DIP2C: variants seen among roughly 807,000 people sequenced by gnomAD.
DIP2C encodes DIP2 acetate--CoA ligase C (putative), also known as disco-interacting protein 2 homolog C.
DIP2C carries 33 observed loss-of-function variants against 192.4 expected under a neutral mutation model. That is an observed-to-expected ratio of 0.17 (90% confidence interval 0.13 to 0.23). The LOEUF is 0.23. DIP2C is among the 10% of genes least tolerant of loss of function. DIP2C has a pLI of 1.00. For missense variants in DIP2C, 1,537 were observed against 2,110.1 expected, an observed-to-expected ratio of 0.73 and a Z score of 5.32; for synonymous variants, 979 against 864.1, an observed-to-expected ratio of 1.13 and a Z score of -2.33.
intron 6 of DIP2C, among the ~76,000 whole-genome samples, chr10:418,524 G>A (rs1053732157): frequency 6.6e-6 from 1 of 152,228 alleles, no homozygotes; most frequent in Non-Finnish European, 1.5e-5. Context: ...AACAGCCGCT[G>A]TAGTCAGAAT....
intron 34 of DIP2C, among the ~76,000 whole-genome samples, chr10:285,137 A>G (rs1791346400): frequency 2.5e-5 from 3 of 119,882 alleles, no homozygotes; most frequent in African/African-American, 3.2e-5. Flanking sequence ...TGACTGAGAG[A>G]GGTCAAGTGA....
rs201336183 is a variant in DIP2C, at chr10:284,744, T to TCA, written c.4120-1300_4120-1299dup. ...ACAGAATAGATCCTAAATGTTCTCA[T>TCA]CACACACACACACACAATGTGAGCT... On this transcript the variant is annotated intron_variant, in intron 34 of 36. Coordinates refer to ENST00000280886, the MANE Select transcript of DIP2C (RefSeq NM_014974.3). 5.0e-3 allele frequency among the ~76,000 whole-genome samples: 754 copies of TCA among 151,528 alleles called. 8 individuals carry two copies. In the East Asian group the frequency reaches 0.054, roughly 11 times the overall value.
At chr10:667,723 C>A (rs1334243683) in intron 1 of DIP2C, 1 of 151,786 alleles carries the variant, frequency 6.6e-6, no homozygotes, top group East Asian at 1.9e-4. Context: ...TACAACACAA[C>A]ACACATGTAC....
chr10:670,643 C>G (rs1830587164), intron 1 of DIP2C, among the ~76,000 whole-genome samples: 1 of 152,154 alleles, frequency 6.6e-6, no homozygotes, highest in Non-Finnish European at 1.5e-5. Context: ...AATACTTGTT[C>G]TAATGAGATT....
chr10:483,267 G>A (rs181816334), intron 2 of DIP2C, among the ~76,000 whole-genome samples: 17 of 152,334 alleles, frequency 1.1e-4, no homozygotes, highest in African/African-American at 3.6e-4. Flanking sequence ...CCCCTTACAG[G>A]CAAGTGCGCA....
At chr10:655,320 G>T (rs544773649) in intron 1 of DIP2C, among the ~76,000 whole-genome samples, 1 of 152,184 alleles carries the variant, frequency 6.6e-6, no homozygotes, top group African/African-American at 2.4e-5. Context: ...CTTCCTGGTT[G>T]TGAGACAAGA....
chr10:579,226 TTA>T (rs1233226919), intron 1 of DIP2C, among the ~76,000 whole-genome samples: 10 of 147,790 alleles, frequency 6.8e-5, no homozygotes, highest in African/African-American at 2.5e-4. Flanking sequence ...CCAGATCCAT[TTA>T]GTGTACGTAC....
chr10:539,705 TCTAA>T (rs778392709), intron 1 of DIP2C, among the ~76,000 whole-genome samples: 7 of 152,260 alleles, frequency 4.6e-5, no homozygotes, highest in Admixed American at 2.6e-4. Flanking sequence ...TGTCCACTGA[TCTAA>T]CTAGTCATTC....
intron 1 of DIP2C, among the ~76,000 whole-genome samples, chr10:592,430 G>A (rs1391885497): frequency 1.3e-5 from 2 of 152,178 alleles, no homozygotes; most frequent in Non-Finnish European, 1.5e-5. Flanking sequence ...CCATCGATAC[G>A]AAAACAGATG....
intron 1 of DIP2C, among the ~76,000 whole-genome samples, chr10:568,547 C>A (rs1269500209): frequency 2.0e-5 from 3 of 151,964 alleles, no homozygotes; most frequent in Non-Finnish European, 4.4e-5. Context: ...ACGGGCGGAT[C>A]ATGAGGTCAG....
intron 1 of DIP2C, among the ~76,000 whole-genome samples, chr10:642,364 T>C (rs1336633688): frequency 6.6e-6 from 1 of 152,184 alleles, no homozygotes; most frequent in Non-Finnish European, 1.5e-5. Flanking sequence ...GCACTTCGAA[T>C]GCATTCCAGT....
chr10:598,801 GCC>G (rs1423347631), intron 1 of DIP2C, among the ~76,000 whole-genome samples: 1 of 152,238 alleles, frequency 6.6e-6, no homozygotes, highest in Non-Finnish European at 1.5e-5. Flanking sequence ...AGAAGGCCTG[GCC>G]CCAGCCCGGA....
Position 689,064 on chromosome 10 carries a change from A to C in DIP2C, c.85+430T>G, listed in dbSNP as rs1468028415. Among the ~76,000 whole-genome samples the C allele has an allele frequency of 1.3e-5, 2 of 151,956 alleles. No homozygotes were observed. Among genetic ancestry groups the C allele is most frequent in the African/African-American group, 4.8e-5 (2 of 41,358 alleles). On this transcript the variant is annotated intron_variant, in intron 1 of 36. Transcript: ENST00000280886. The surrounding 1 kb of genome is among the most constrained non-coding windows in gnomAD (Gnocchi z 6.1). ...GCTGCACCAAGGACGCCGCGGCTCC[A>C]GCGCAGAGCGCACGGGAAGGCCGAT...
chr10:505,016 C>G (rs992084085), intron 1 of DIP2C, among the ~76,000 whole-genome samples: 1 of 152,132 alleles, frequency 6.6e-6, no homozygotes, highest in Admixed American at 6.5e-5. Context: ...CGCCGTGAAC[C>G]CGCGGGATCC....
At chr10:369,950 C>A (rs189584157) in intron 17 of DIP2C, 3 of 985,354 alleles carry the variant, frequency 3.0e-6, no homozygotes, top group Admixed American at 1.2e-4. Context: ...CCCTCCAGGC[C>A]CTGCACAGAC....
chr10:592,108 G>T (rs541997464), intron 1 of DIP2C, among the ~76,000 whole-genome samples: 3 of 152,126 alleles, frequency 2.0e-5, no homozygotes, highest in African/African-American at 7.2e-5. Flanking sequence ...TGTTATAAAC[G>T]TATAATTAGA....
chr10:553,319 G>C (rs554249329), intron 1 of DIP2C, among the ~76,000 whole-genome samples: 2 of 152,226 alleles, frequency 1.3e-5, no homozygotes, highest in Non-Finnish European at 2.9e-5. Flanking sequence ...GCAGGGCTGC[G>C]TGTGTGGCGC....
At chr10:626,740 C>T (rs1042591486) in intron 1 of DIP2C, among the ~76,000 whole-genome samples, 1 of 139,580 alleles carries the variant, frequency 7.2e-6, no homozygotes, top group African/African-American at 3.3e-5. Context: ...CCCACGGTCA[C>T]GCCGATTGTC....
intron 31 of DIP2C, chr10:324,882 G>A (rs749050436): frequency 4.6e-5 from 24 of 521,994 alleles, no homozygotes; most frequent in Admixed American, 1.6e-4. Context: ...CCTTTCCTGC[G>A]CTGTTTTTCT....
Sources: allele counts gnomAD v4.1 joint callset (sites outside exome capture counted in the v4.1 genomes callset), GRCh38; gene constraint gnomAD v4.1.1; non-coding constraint Gnocchi (gnomAD v3.1); transcripts MANE v1.5; gene names NCBI Gene and HGNC (gene_info 2026-07-23, HGNC 2026-07-21).